TAFA1: variants seen among roughly 807,000 people sequenced by gnomAD.
TAFA1 encodes TAFA chemokine like family member 1, also known as chemokine-like protein TAFA-1.
Under a neutral mutation model 18.5 loss-of-function variants are expected in TAFA1, and 4 were observed. That is an observed-to-expected ratio of 0.22 (90% CI 0.11 to 0.49). TAFA1 has a LOEUF of 0.49. Ranked by LOEUF, TAFA1 falls within the 20% of genes least tolerant of loss-of-function variation. The pLI is 0.98. For synonymous variants in TAFA1, 56 were observed against 55.2 expected, an observed-to-expected ratio of 1.01 and a Z score of -0.06; for missense variants, 147 against 169.0, an observed-to-expected ratio of 0.87 and a Z score of 0.72.
At chr3:68,395,774 G>A (rs2070370647) in intron 2 of TAFA1, among the ~76,000 whole-genome samples, 1 of 152,094 alleles carries the variant, frequency 6.6e-6, no homozygotes, top group Admixed American at 6.6e-5. Context: ...TATGGGCTCA[G>A]GGAGGGGAAT....
chr3:68,024,141 A>G (rs1704760743), intron 2 of TAFA1, among the ~76,000 whole-genome samples: 1 of 152,106 alleles, frequency 6.6e-6, no homozygotes, highest in African/African-American at 2.4e-5. Context: ...TATCCTAAGT[A>G]TTTTTTATTC....
chr3:68,282,552 T>C lies in TAFA1; in HGVS notation c.119-134728T>C, dbSNP rs77485633. ...CTACCTTGCATTCTGATGCGTTCCCTTGAATGTGAGACAAGGAAGCACAGT... is the reference window on the plus strand; with the variant it reads ...CTACCTTGCATTCTGATGCGTTCCCCTGAATGTGAGACAAGGAAGCACAGT... On this transcript the variant is annotated intron_variant, in intron 2 of 4. Coordinates refer to ENST00000478136, the MANE Select transcript of TAFA1 (RefSeq NM_213609.4). Among the ~76,000 whole-genome samples the C allele has an allele frequency of 8.5e-3, 1,293 of 152,290 alleles. 53 individuals are homozygous for C. In the East Asian group the frequency reaches 0.13, roughly 15 times the overall value.
upstream of TAFA1, among the ~76,000 whole-genome samples, chr3:68,003,588 T>C (rs1365101772): frequency 6.6e-6 from 1 of 152,156 alleles, no homozygotes; most frequent in Non-Finnish European, 1.5e-5. Context: ...CATTGAAATT[T>C]AGGCAAAATT....
intron 2 of TAFA1, among the ~76,000 whole-genome samples, chr3:68,373,375 A>G (rs1188738819): frequency 6.6e-6 from 1 of 152,196 alleles, no homozygotes; most frequent in Non-Finnish European, 1.5e-5. Context: ...AAGTTACATG[A>G]CTAGTAAGTG....
At chr3:68,133,138 G>A (rs2065563321) in intron 2 of TAFA1, among the ~76,000 whole-genome samples, 1 of 152,026 alleles carries the variant, frequency 6.6e-6, no homozygotes. Flanking sequence ...CTTCCTCCTT[G>A]CTTGTTTTTG....
chr3:68,501,244 A>G (rs1469933028), intron 3 of TAFA1, among the ~76,000 whole-genome samples: 1 of 151,780 alleles, frequency 6.6e-6, no homozygotes, highest in Non-Finnish European at 1.5e-5. Context: ...TTTACTCTTA[A>G]TTCTCTCATC....
chr3:68,178,952 G>T (rs113196170), intron 2 of TAFA1, among the ~76,000 whole-genome samples: 152 of 152,258 alleles, frequency 1.0e-3, no homozygotes, highest in African/African-American at 3.4e-3. Context: ...CCAAACACAC[G>T]TCTGGGGCTA....
At chr3:68,059,514 C>G (rs2064576093) in intron 2 of TAFA1, among the ~76,000 whole-genome samples, 1 of 152,118 alleles carries the variant, frequency 6.6e-6, no homozygotes. Flanking sequence ...CAGTACCCAT[C>G]TCTGAGAGAG....
chr3:68,404,473 T>C (rs4855467), intron 2 of TAFA1, among the ~76,000 whole-genome samples: 74,812 of 151,950 alleles, frequency 0.49, 18,782 homozygotes, highest in African/African-American at 0.54. Flanking sequence ...CTAACATCTA[T>C]GGAGTTGTGG....
chr3:68,216,337 G>A (rs922035466), intron 2 of TAFA1, among the ~76,000 whole-genome samples: 4 of 151,968 alleles, frequency 2.6e-5, no homozygotes, highest in Admixed American at 1.3e-4. Context: ...CAAGAACAGG[G>A]GAATCCCAGA....
intron 2 of TAFA1, among the ~76,000 whole-genome samples, chr3:68,214,833 T>A (rs2107076959): frequency 6.6e-6 from 1 of 152,172 alleles, no homozygotes; most frequent in African/African-American, 2.4e-5. Flanking sequence ...TGTCCCTGTT[T>A]TTTAAATAAT....
chr3:68,386,476 G>A (rs941623958), intron 2 of TAFA1, among the ~76,000 whole-genome samples: 2 of 151,924 alleles, frequency 1.3e-5, no homozygotes, highest in Admixed American at 1.3e-4. Flanking sequence ...TCCACATTTG[G>A]GTCAATCATT....
chr3:68,023,124 A>G (rs991011708), intron 2 of TAFA1, among the ~76,000 whole-genome samples: 5 of 151,944 alleles, frequency 3.3e-5, no homozygotes, highest in African/African-American at 9.7e-5. Context: ...ACAACACAGA[A>G]ATTTTCTCTG....
At chr3:68,395,623 G>A (rs974123650) in intron 2 of TAFA1, among the ~76,000 whole-genome samples, 1 of 152,166 alleles carries the variant, frequency 6.6e-6, no homozygotes, top group East Asian at 1.9e-4. Flanking sequence ...ATACTATGCA[G>A]CCATAAAAAA....
In TAFA1 at chr3:68,360,465, C is replaced by G. The variant is rs540547785; in HGVS notation, c.119-56815C>G. On this transcript the variant is annotated intron_variant, in intron 2 of 4. Coordinates refer to ENST00000478136, the MANE Select transcript of TAFA1 (RefSeq NM_213609.4). Reference sequence around the variant, plus strand: ...GCAAGATGCCAAATTCACTCTTCACCCGATATTTAGAGACAAAGGAATGAT... The same window carrying G: ...GCAAGATGCCAAATTCACTCTTCACGCGATATTTAGAGACAAAGGAATGAT... Among the ~76,000 whole-genome samples, 5 of 151,836 alleles carry G rather than the reference C, an allele frequency of 3.3e-5. No homozygotes were observed. In the South Asian group the frequency reaches 1.0e-3, roughly 32 times the overall value.
At chr3:68,220,878 G>T (rs1296572671) in intron 2 of TAFA1, among the ~76,000 whole-genome samples, 3 of 152,104 alleles carry the variant, frequency 2.0e-5, no homozygotes, top group Non-Finnish European at 4.4e-5. Flanking sequence ...CTCCCTATCA[G>T]ACTCATCCTC....
intron 2 of TAFA1, among the ~76,000 whole-genome samples, chr3:68,187,535 G>A (rs1286525262): frequency 6.6e-6 from 1 of 151,968 alleles, no homozygotes; most frequent in Non-Finnish European, 1.5e-5. Flanking sequence ...GCTCATCTTT[G>A]CACAGTATGA....
chr3:68,193,416 A>G (rs1229438356), intron 2 of TAFA1, among the ~76,000 whole-genome samples: 1 of 151,838 alleles, frequency 6.6e-6, no homozygotes, highest in Non-Finnish European at 1.5e-5. Context: ...CAGAAATAAT[A>G]CTTATCTAAA....
At chr3:68,244,925 C>A (rs2067047188) in intron 2 of TAFA1, among the ~76,000 whole-genome samples, 1 of 152,134 alleles carries the variant, frequency 6.6e-6, no homozygotes. Flanking sequence ...CAGTGTGACA[C>A]AAAGTAGAAT....
Sources: allele counts gnomAD v4.1 joint callset (sites outside exome capture counted in the v4.1 genomes callset), GRCh38; gene constraint gnomAD v4.1.1; transcripts MANE v1.5; gene names NCBI Gene and HGNC (gene_info 2026-07-23, HGNC 2026-07-21).